The following CCDC178 variants were observed in gnomAD, a reference collection of about 807,000 sequenced individuals.
The protein encoded by CCDC178 is coiled-coil domain containing 178, also known as coiled-coil domain-containing protein 178.
Under a neutral mutation model 117.4 loss-of-function variants are expected in CCDC178, and 126 were observed. The observed-to-expected ratio is 1.07, with a 90% confidence interval of 0.93 to 1.24. The LOEUF (loss-of-function observed/expected upper bound fraction) is 1.24. CCDC178 is among the 50% of genes most tolerant of loss of function. The pLI is 0.00. For synonymous variants in CCDC178, 283 were observed against 313.4 expected (o/e 0.90, Z 1.02); for missense variants, 1,030 against 986.9 (o/e 1.04, Z -0.59).
chr18:33,144,960 C>A (rs2058251113), intron 20 of CCDC178, among the ~76,000 whole-genome samples: 1 of 152,096 alleles, frequency 6.6e-6, no homozygotes, highest in Admixed American at 6.5e-5. Context: ...ATTGATAACA[C>A]AAGGACTAGG....
intron 21 of CCDC178, among the ~76,000 whole-genome samples, chr18:33,002,535 C>T (rs1045287791): frequency 2.0e-4 from 30 of 151,798 alleles, no homozygotes; most frequent in African/African-American, 7.2e-4. Flanking sequence ...ATGGTAAAAG[C>T]AGTACTATAA....
intron 3 of CCDC178, among the ~76,000 whole-genome samples, chr18:33,403,112 C>T (rs1466651174): frequency 6.6e-6 from 1 of 152,212 alleles, no homozygotes; most frequent in African/African-American, 2.4e-5. Flanking sequence ...AAGCCCTAAT[C>T]TCTCACCTCT....
chr18:33,103,601 C>T (rs1003840184), intron 20 of CCDC178, among the ~76,000 whole-genome samples: 2 of 151,214 alleles, frequency 1.3e-5, no homozygotes, highest in Non-Finnish European at 3.0e-5. Flanking sequence ...AAAAAGAAAT[C>T]TTTGTGAGCT....
chr18:33,397,247 T>G lies in CCDC178; in HGVS notation c.59-39A>C, dbSNP rs199867119. The stretch of plus-strand genomic sequence containing the variant: ...AATAAAACAAAATAAAATATCTGCT[T>G]CCTGAGTCAAATATTCTGCCCTATA... On this transcript the variant is annotated intron_variant, in intron 3 of 22. Transcript: ENST00000383096. The G allele has an allele frequency of 3.3e-4, 462 of 1,390,656 alleles. No individual in the cohort carries two copies. The African/African-American group carries it at 5.4e-3, about 16-fold the overall frequency. The allele number at this position is 1,390,656 out of a possible 1,614,324, so 86.1% of individuals were successfully genotyped here.
At chr18:33,056,594 A>T (rs903048232) in intron 21 of CCDC178, among the ~76,000 whole-genome samples, 2 of 152,208 alleles carry the variant, frequency 1.3e-5, no homozygotes, top group African/African-American at 4.8e-5. Flanking sequence ...AAGTGAGAAG[A>T]TTGAGAAATA....
chr18:32,982,799 G>C (rs1195351124), intron 21 of CCDC178, among the ~76,000 whole-genome samples: 1 of 152,030 alleles, frequency 6.6e-6, no homozygotes, highest in African/African-American at 2.4e-5. Context: ...CCAAATTTTT[G>C]AAGTAAAAAT....
At chr18:33,285,043 TAACACATTAA>T (rs1390956909) in intron 12 of CCDC178, among the ~76,000 whole-genome samples, 4 of 152,022 alleles carry the variant, frequency 2.6e-5, no homozygotes, top group African/African-American at 9.7e-5. Context: ...AAGTACATAT[TAACACATTAA>T]AAGTTTGAAA....
intron 21 of CCDC178, among the ~76,000 whole-genome samples, chr18:33,065,455 C>T (rs1448764788): frequency 6.6e-6 from 1 of 152,064 alleles, no homozygotes; most frequent in African/African-American, 2.4e-5. Context: ...TCATCCAATA[C>T]TTGAATTTTG....
intron 21 of CCDC178, among the ~76,000 whole-genome samples, chr18:33,087,714 G>A (rs2057401709): frequency 6.6e-6 from 1 of 152,034 alleles, no homozygotes; most frequent in Non-Finnish European, 1.5e-5. Context: ...TATGAAAGAA[G>A]TGAATTTCTA....
intron 6 of CCDC178, among the ~76,000 whole-genome samples, chr18:33,362,151 CTA>C (rs1329377979): frequency 6.9e-6 from 1 of 144,082 alleles, no homozygotes; most frequent in Admixed American, 7.2e-5. Context: ...GTATGTGTGT[CTA>C]TATGTTTATG....
At chr18:33,324,635 A>C (rs1212421614) in intron 10 of CCDC178, among the ~76,000 whole-genome samples, 1 of 138,632 alleles carries the variant, frequency 7.2e-6, no homozygotes, top group Non-Finnish European at 1.7e-5. Flanking sequence ...CCAAAAGGTT[A>C]TTGTGTACAT....
intron 20 of CCDC178, among the ~76,000 whole-genome samples, chr18:33,119,377 T>C (rs2057904588): frequency 6.6e-6 from 1 of 152,118 alleles, no homozygotes; most frequent in East Asian, 1.9e-4. Flanking sequence ...GGGCGAAGGA[T>C]ATGAACAGAC....
chr18:33,264,901 G>C (rs1415984635), intron 14 of CCDC178, among the ~76,000 whole-genome samples: 1 of 151,956 alleles, frequency 6.6e-6, no homozygotes, highest in Non-Finnish European at 1.5e-5. Context: ...ACTAAGATTT[G>C]GGGGTTGTGT....
At chr18:33,349,944 C>A (rs752602698) in intron 7 of CCDC178, among the ~76,000 whole-genome samples, 14 of 151,852 alleles carry the variant, frequency 9.2e-5, no homozygotes, top group Non-Finnish European at 1.9e-4. Flanking sequence ...TTTCTAATGG[C>A]TACAAATTAT....
Position 33,157,268 on chromosome 18 carries a change from C to T in CCDC178, c.2238+54628G>A, listed in dbSNP as rs369265959. On this transcript the variant is annotated intron_variant, in intron 20 of 22. Transcript: ENST00000383096. ...CTGCCTTTGACTTTCCAGTCATACA[C>T]ATTGAAATGTGATTTACTGCCTCTT... Among the ~76,000 whole-genome samples the T allele has an allele frequency of 1.6e-3, 243 of 152,252 alleles. 9 individuals carry two copies. In the South Asian group the frequency reaches 0.048, roughly 30 times the overall value.
chr18:33,369,927 T>C, intron 6 of CCDC178, 123 bp downstream of exon 6: 1 of 806,016 alleles, frequency 1.2e-6, no homozygotes, highest in Non-Finnish European at 1.9e-6. Flanking sequence ...TGAGCAAAGA[T>C]TCTTAAAAAG....
intron 20 of CCDC178, among the ~76,000 whole-genome samples, chr18:33,100,493 T>C (rs935614492): frequency 2.6e-5 from 4 of 151,982 alleles, no homozygotes; most frequent in Non-Finnish European, 5.9e-5. Flanking sequence ...GGATGCATTA[T>C]GCATGAAGAA....
intron 21 of CCDC178, among the ~76,000 whole-genome samples, chr18:33,066,876 A>G (rs271509): frequency 0.14 from 21,668 of 152,162 alleles, 2,391 homozygotes; most frequent in African/African-American, 0.31. Flanking sequence ...AGATCTTAAG[A>G]GAGAGATAGA....
chr18:33,020,937 G>A (rs1183528209), intron 21 of CCDC178, among the ~76,000 whole-genome samples: 1 of 152,164 alleles, frequency 6.6e-6, no homozygotes, highest in East Asian at 1.9e-4. Flanking sequence ...ATCACATGAA[G>A]AAATGAGAGT....
Sources: allele counts gnomAD v4.1 joint callset (sites outside exome capture counted in the v4.1 genomes callset), GRCh38; gene constraint gnomAD v4.1.1; transcripts MANE v1.5; gene names NCBI Gene and HGNC (gene_info 2026-07-23, HGNC 2026-07-21).